The following SCN8A variants were observed in gnomAD, a reference collection of about 807,000 sequenced individuals.
SCN8A encodes sodium channel protein type 8 subunit alpha.
Under a neutral mutation model 184.1 loss-of-function variants are expected in SCN8A, and 30 were observed. The ratio of observed to expected loss-of-function variants is 0.16; its 90% confidence interval spans 0.12 to 0.22. SCN8A has a LOEUF of 0.22. Among genes scored for constraint, SCN8A ranks in the 10% least tolerant of loss-of-function variants. The pLI is 1.00. For missense variants in SCN8A, 1,057 were observed against 2,498.9 expected (o/e 0.42, Z 12.30); for synonymous variants, 852 against 907.0 (o/e 0.94, Z 1.09).
At chr12:51,789,646 G>A (rs1938188227) in intron 24 of SCN8A, among the ~76,000 whole-genome samples, 1 of 152,164 alleles carries the variant, frequency 6.6e-6, no homozygotes, top group Non-Finnish European at 1.5e-5. Context: ...TTATTCTTGA[G>A]GCCTATTACT....
At chr12:51,767,980 C>G (rs1370227318) in intron 16 of SCN8A, 1 of 152,188 alleles carries the variant, frequency 6.6e-6, no homozygotes, top group Non-Finnish European at 1.5e-5. Context: ...ATTTTACCAA[C>G]CATATTCCTT....
rs1329559295 is a variant in SCN8A, at chr12:51,802,184, GGGGT to G, written c.4796-4093_4796-4090del. Among the ~76,000 whole-genome samples, 3 of 152,284 alleles carry G rather than the reference GGGGT, an allele frequency of 2.0e-5. No homozygotes were observed. In the South Asian group the frequency reaches 6.2e-4, roughly 32 times the overall value. On this transcript the variant is annotated intron_variant, in intron 26 of 26. Transcript: ENST00000627620. Reference sequence around the variant, plus strand: ...GGTCTAGAAACAAACAGGGGTGTTGGGGGTGGGTTCAGAAGAGAATCAGCATTGT... The same window carrying G: ...GGTCTAGAAACAAACAGGGGTGTTGGGGGTTCAGAAGAGAATCAGCATTGT...
chr12:51,727,163 G>A (rs1036488776), intron 12 of SCN8A, among the ~76,000 whole-genome samples: 1 of 152,150 alleles, frequency 6.6e-6, no homozygotes, highest in Non-Finnish European at 1.5e-5. Context: ...GAAGTCAGTG[G>A]CTAAATGCCC....
chr12:51,710,490 C>T (rs1301981934), intron 11 of SCN8A, among the ~76,000 whole-genome samples: 1 of 152,080 alleles, frequency 6.6e-6, no homozygotes, highest in East Asian at 1.9e-4. Flanking sequence ...CATAGAGAGA[C>T]CCCTGTCTCT....
At chr12:51,666,807 G>T (rs2138678065) in intron 2 of SCN8A, among the ~76,000 whole-genome samples, 1 of 152,246 alleles carries the variant, frequency 6.6e-6, no homozygotes, top group Non-Finnish European at 1.5e-5. Context: ...CCTAAAAGTT[G>T]TGCACCACGT....
At chr12:51,738,198 A>G (rs1942359018) in intron 12 of SCN8A, among the ~76,000 whole-genome samples, 2 of 152,132 alleles carry the variant, frequency 1.3e-5, no homozygotes, top group Non-Finnish European at 2.9e-5. Flanking sequence ...CATGAATCAT[A>G]TGTTGACTTT....
chr12:51,659,508 T>G (rs1386246365), intron 1 of SCN8A, among the ~76,000 whole-genome samples: 1 of 152,238 alleles, frequency 6.6e-6, no homozygotes, highest in East Asian at 1.9e-4. Flanking sequence ...GCAGGTGTTC[T>G]TGCAGAGAAG....
intron 1 of SCN8A, among the ~76,000 whole-genome samples, chr12:51,644,330 G>T (rs1940516105): frequency 6.6e-6 from 1 of 152,174 alleles, no homozygotes; most frequent in Non-Finnish European, 1.5e-5. Context: ...GTAGAGCAAA[G>T]TTACTTAACC....
intron 1 of SCN8A, among the ~76,000 whole-genome samples, chr12:51,611,987 C>T (rs1024620097): frequency 1.3e-5 from 2 of 152,090 alleles, no homozygotes; most frequent in African/African-American, 2.4e-5. Context: ...AGTTTTATTT[C>T]TTCCTGTCTA....
chr12:51,790,896 G>A (rs1396667510), intron 25 of SCN8A, among the ~76,000 whole-genome samples: 1 of 152,194 alleles, frequency 6.6e-6, no homozygotes, highest in Admixed American at 6.5e-5. Context: ...GCTCAATAAG[G>A]ATGTCTTTGC....
At chr12:51,692,111 C>G (rs1394157589) in intron 6 of SCN8A, among the ~76,000 whole-genome samples, 3 of 152,210 alleles carry the variant, frequency 2.0e-5, no homozygotes, top group Non-Finnish European at 2.9e-5. Context: ...TTGTTGTTCT[C>G]TTTGTCTTCT....
At chr12:51,596,575 T>C (rs904782401) in intron 1 of SCN8A, among the ~76,000 whole-genome samples, 2 of 152,176 alleles carry the variant, frequency 1.3e-5, no homozygotes, top group African/African-American at 2.4e-5. Context: ...TAAACATATC[T>C]TAGTGAGTGG....
At chr12:51,620,584 G>A (rs955489460) in intron 1 of SCN8A, among the ~76,000 whole-genome samples, 14 of 152,004 alleles carry the variant, frequency 9.2e-5, no homozygotes, top group African/African-American at 3.4e-4. Context: ...CAGCTAACTT[G>A]GAAGGCTGTG....
intron 17 of SCN8A, 141 bp from the exon 18 acceptor site, chr12:51,769,727 G>A (rs937343849): frequency 6.0e-6 from 4 of 664,668 alleles, no homozygotes; most frequent in African/African-American, 3.6e-5. Context: ...CGTGGATATG[G>A]TTTGCTTATC....
chr12:51,698,228 T>C (rs1292952161), intron 6 of SCN8A, among the ~76,000 whole-genome samples: 7 of 152,192 alleles, frequency 4.6e-5, no homozygotes, highest in East Asian at 1.9e-4. Flanking sequence ...TAATTTTCCC[T>C]ACTTTAAAGA....
chr12:51,788,669 G>A (rs200468091), intron 22 of SCN8A, 26 bp from the exon 23 acceptor site: 35 of 1,597,308 alleles, frequency 2.2e-5, no homozygotes, highest in African/African-American at 1.7e-4. Flanking sequence ...TATAGGCACC[G>A]TCTAATGACT....
intron 2 of SCN8A, among the ~76,000 whole-genome samples, chr12:51,674,000 G>C (rs1442273054): frequency 6.6e-6 from 1 of 152,146 alleles, no homozygotes. Flanking sequence ...GAGTAGTTCA[G>C]GTGTGAGGAA....
Position 51,639,983 on chromosome 12 carries a change from C to G in SCN8A, c.-54-22781C>G, listed in dbSNP as rs1165014950. ...AATGCAGTGGCCCAATCATGGCCCA[C>G]TGCAGCCTGGACCTCCTGGGCTCAA... On this transcript the variant is annotated intron_variant, in intron 1 of 26. Transcript: ENST00000627620. 2.9e-5 allele frequency among the ~76,000 whole-genome samples: 4 copies of G among 140,294 alleles called. No homozygotes were observed. The East Asian group carries it at 8.6e-4, about 30-fold the overall frequency. The allele number at this position is 140,294 out of a possible 152,430, so 92.0% of individuals were successfully genotyped here. A position where few individuals can be genotyped will look rare whatever the true frequency, so the allele number is the denominator to read the frequency against.
intron 17 of SCN8A, 27 bp downstream of exon 17, chr12:51,769,362 TG>T: frequency 1.3e-6 from 2 of 1,513,110 alleles, no homozygotes; most frequent in Non-Finnish European, 1.8e-6. Context: ...GAAACAGCCT[TG>T]ATCCTGTGTG....
Sources: allele counts gnomAD v4.1 joint callset (sites outside exome capture counted in the v4.1 genomes callset), GRCh38; gene constraint gnomAD v4.1.1; transcripts MANE v1.5; gene names NCBI Gene and HGNC (gene_info 2026-07-23, HGNC 2026-07-21).